DSTN: variants seen among roughly 807,000 people sequenced by gnomAD.
DSTN encodes destrin.
A neutral mutation model predicts 16.8 loss-of-function variants in DSTN; 10 were observed. The ratio of observed to expected loss-of-function variants is 0.60; its 90% confidence interval spans 0.37 to 1.01. The LOEUF (loss-of-function observed/expected upper bound fraction) is 1.01, where lower values mean the gene tolerates loss of function less well. Ranked by LOEUF, DSTN falls within the 50% of genes least tolerant of loss-of-function variation. The probability of loss-of-function intolerance (pLI) is 0.01; values close to 1 mark genes in which losing one functional copy is unlikely to be tolerated. For synonymous variants in DSTN, 57 were observed against 58.9 expected (o/e 0.97, Z 0.14); for missense variants, 141 against 196.7 (o/e 0.72, Z 1.69).
intron 1 of DSTN, among the ~76,000 whole-genome samples, chr20:17,574,522 C>A (rs557449750): frequency 6.6e-6 from 1 of 151,972 alleles, no homozygotes; most frequent in African/African-American, 2.4e-5. Flanking sequence ...GGGAACAATG[C>A]ACTTCTGCTA....
intron 2 of DSTN, among the ~76,000 whole-genome samples, chr20:17,602,323 T>C (rs992787921): frequency 1.3e-5 from 2 of 152,200 alleles, no homozygotes; most frequent in Non-Finnish European, 2.9e-5. Flanking sequence ...TGCGAGGGCC[T>C]GGGAAAACAG....
intron 1 of DSTN, among the ~76,000 whole-genome samples, chr20:17,586,012 AAGAG>A (rs771424662): frequency 2.0e-5 from 3 of 151,744 alleles, no homozygotes; most frequent in East Asian, 1.9e-4. Flanking sequence ...GACAAAAAAG[AAGAG>A]AGAGAGAGAG....
intron 2 of DSTN, among the ~76,000 whole-genome samples, chr20:17,602,412 C>G (rs1012984243): frequency 2.0e-5 from 3 of 152,150 alleles, no homozygotes; most frequent in African/African-American, 7.2e-5. Context: ...ATGGTTTAGG[C>G]TTTTAAATTG....
rs1568726514 is a variant in DSTN at position 17,570,177 on chromosome 20, T to TCCCCCGCGTCCCTGCGA, written c.-29_-13dup. 2.6e-6 allele frequency: 4 copies of TCCCCCGCGTCCCTGCGA among 1,516,946 alleles called. No homozygotes were observed. The highest frequency in any genetic ancestry group is 3.5e-6 in the Non-Finnish European group (4 of 1,136,534). The allele number at this position is 1,516,946 out of a possible 1,614,324, so 94.0% of individuals were successfully genotyped here. ...GCATACTCGCTGCCCGCCGGCTCCC[T>TCCCCCGCGTCCCTGCGA]CCCCCGCGTCCCTGCGACCGCCGCG... On this transcript the variant is annotated 5_prime_UTR_variant, in exon 1 of 4. Transcript: ENST00000246069.
At chr20:17,580,087 T>G (rs2035326164) in intron 1 of DSTN, among the ~76,000 whole-genome samples, 1 of 152,252 alleles carries the variant, frequency 6.6e-6, no homozygotes, top group Non-Finnish European at 1.5e-5. Context: ...TTAGAATGTG[T>G]TTCAATAGTT....
At chr20:17,603,362 G>A (rs1360949318) in intron 2 of DSTN, among the ~76,000 whole-genome samples, 3 of 152,080 alleles carry the variant, frequency 2.0e-5, no homozygotes, top group Non-Finnish European at 4.4e-5. Context: ...CATACACCAG[G>A]TCCTCAAATA....
chr20:17,602,718 C>T (rs960579189), intron 2 of DSTN, among the ~76,000 whole-genome samples: 1 of 152,112 alleles, frequency 6.6e-6, no homozygotes, highest in Non-Finnish European at 1.5e-5. Flanking sequence ...TGTTTCTGAC[C>T]TATTTTCATA....
At chr20:17,574,862 TTTC>T (rs2035256134) in intron 1 of DSTN, among the ~76,000 whole-genome samples, 3 of 124,992 alleles carry the variant, frequency 2.4e-5, no homozygotes, top group African/African-American at 3.4e-5. Flanking sequence ...TTTCTTTTCT[TTTC>T]TTTTGTTTTT....
intron 2 of DSTN, among the ~76,000 whole-genome samples, chr20:17,602,706 T>TA (rs1172241771): frequency 1.5e-4 from 23 of 152,190 alleles, no homozygotes; most frequent in Admixed American, 1.5e-3. Context: ...GATGCTTTTT[T>TA]ATGTTTCTGA....
Position 17,603,585 on chromosome 20 carries a change from TGCAA to T in DSTN, c.312-966_312-963del, listed in dbSNP as rs537139833. Among the ~76,000 whole-genome samples, 40 of 152,352 alleles carry T rather than the reference TGCAA, an allele frequency of 2.6e-4. No individual in the cohort carries two copies. In the East Asian group the frequency reaches 7.5e-3, roughly 29 times the overall value. ...CGTACAGAGGAAAGAAGGACCTCCGTGCAAGCAGTCTGAGTGGGAGGGTTTCTGT... is the reference window on the plus strand; with the variant it reads ...CGTACAGAGGAAAGAAGGACCTCCGTGCAGTCTGAGTGGGAGGGTTTCTGT... On this transcript the variant is annotated intron_variant, in intron 2 of 3. Coordinates refer to ENST00000246069, the MANE Select transcript of DSTN (RefSeq NM_006870.4).
Position 17,608,959 on chromosome 20 carries a change from C to CTGT in DSTN, c.*1814_*1816dup, listed in dbSNP as rs1278684670. On this transcript the variant is annotated 3_prime_UTR_variant, in exon 4 of 4. Transcript: ENST00000246069. Reference sequence around the variant, plus strand: ...CGACAGTATTCAGTATAGTAACGTGCTGTCCAGGTTTGTGGTCTAGGAGTA... The same window carrying CTGT: ...CGACAGTATTCAGTATAGTAACGTGCTGTTGTCCAGGTTTGTGGTCTAGGAGTA... The CTGT allele has an allele frequency of 6.6e-6, 1 of 152,182 alleles. No homozygotes were observed. Among genetic ancestry groups the CTGT allele is most frequent in the African/African-American group, 2.4e-5 (1 of 41,434 alleles). 9.4% of individuals were successfully genotyped at this position (152,182 alleles called of 1,614,324 possible).
intron 2 of DSTN, among the ~76,000 whole-genome samples, chr20:17,602,036 A>G (rs1435699094): frequency 4.6e-5 from 7 of 152,040 alleles, no homozygotes; most frequent in African/African-American, 1.7e-4. Context: ...TGTGCCATCA[A>G]TAGCTTGGAG....
At chr20:17,591,073 A>G (rs2122188218) in intron 1 of DSTN, among the ~76,000 whole-genome samples, 1 of 152,326 alleles carries the variant, frequency 6.6e-6, no homozygotes, top group African/African-American at 2.4e-5. Flanking sequence ...GTGCCTCTGC[A>G]CTCCAGCTAG....
At chr20:17,605,248 C>T (rs951164131) in intron 3 of DSTN, 6 of 452,350 alleles carry the variant, frequency 1.3e-5, no homozygotes, top group Non-Finnish European at 2.7e-5. Context: ...GGGGCAAGTG[C>T]CCAAAGGCCT....
intron 1 of DSTN, among the ~76,000 whole-genome samples, chr20:17,584,566 C>T (rs1236154403): frequency 1.3e-5 from 2 of 151,364 alleles, no homozygotes; most frequent in East Asian, 1.9e-4. Flanking sequence ...GCAGGAGAGT[C>T]GCTTGAACCC....
In DSTN at chr20:17,601,015, C is replaced by T. The variant is rs1409866966; in HGVS notation, c.281C>T (p.Ser94Phe). ...LYDASFETKE[S>F]RKEELMFFLW... Reference sequence around the variant, plus strand: ...GATGCAAGCTTTGAAACAAAAGAATCCAGAAAAGAAGAGTTGATGTTTTTT... The same window carrying T: ...GATGCAAGCTTTGAAACAAAAGAATTCAGAAAAGAAGAGTTGATGTTTTTT... The change falls in exon 2 of 4, where the codon TCC becomes TTC. Residue 94 changes from serine (S) to phenylalanine (F), a missense_variant. By Grantham distance (155) the Ser-to-Phe change is radical (BLOSUM62 -2). Coordinates refer to ENST00000246069, the MANE Select transcript of DSTN (RefSeq NM_006870.4). 5.0e-6 allele frequency: 8 copies of T among 1,601,368 alleles called. No individual in the cohort carries two copies. Among genetic ancestry groups the T allele is most frequent in the South Asian group, 2.3e-5 (2 of 88,438 alleles).
At chr20:17,606,504 T>C (rs2035644580) in intron 3 of DSTN, among the ~76,000 whole-genome samples, 1 of 152,378 alleles carries the variant, frequency 6.6e-6, no homozygotes, top group South Asian at 2.1e-4. Flanking sequence ...TGTATTTTTA[T>C]GTTTTAAAAA....
intron 1 of DSTN, among the ~76,000 whole-genome samples, chr20:17,573,685 A>G (rs914132399): frequency 3.3e-5 from 5 of 152,054 alleles, no homozygotes; most frequent in Admixed American, 2.0e-4. Flanking sequence ...TTAATAAGAG[A>G]CTTGAAACCT....
intron 1 of DSTN, among the ~76,000 whole-genome samples, chr20:17,584,112 C>A (rs2035380937): frequency 6.6e-6 from 1 of 152,036 alleles, no homozygotes. Context: ...AACTTTGTGA[C>A]TATACTGAAA....
Sources: gnomAD v4.1 joint callset for allele counts (sites outside exome capture counted in the v4.1 genomes callset) on GRCh38, gnomAD v4.1.1 for gene constraint, MANE v1.5 for transcripts, NCBI Gene and HGNC (gene_info 2026-07-23, HGNC 2026-07-21) for gene names.